SDC2: variants seen among roughly 807,000 people sequenced by gnomAD.
The protein encoded by SDC2 is syndecan-2.
A neutral mutation model predicts 22.2 loss-of-function variants in SDC2; 13 were observed. That is an observed-to-expected ratio of 0.59 (90% CI 0.38 to 0.93). The LOEUF is 0.93. Ranked by LOEUF, SDC2 falls within the 40% of genes least tolerant of loss-of-function variation. The pLI is 0.00. For synonymous variants in SDC2, 94 were observed against 92.8 expected (o/e 1.01, Z -0.07); for missense variants, 235 against 246.8 (o/e 0.95, Z 0.32).
intron 1 of SDC2, among the ~76,000 whole-genome samples, chr8:96,520,156 A>C (rs191587870): frequency 1.3e-5 from 2 of 152,330 alleles, no homozygotes; most frequent in African/African-American, 2.4e-5. Flanking sequence ...ACAACTTTTT[A>C]CTTTTAAAAG....
At chr8:96,563,682 T>C (rs923963309) in intron 1 of SDC2, among the ~76,000 whole-genome samples, 1 of 152,236 alleles carries the variant, frequency 6.6e-6, no homozygotes, top group African/African-American at 2.4e-5. Flanking sequence ...AACAGTTCTC[T>C]AATTCTAATA....
intron 1 of SDC2, among the ~76,000 whole-genome samples, chr8:96,571,869 G>A (rs180880154): frequency 2.6e-5 from 4 of 152,294 alleles, no homozygotes; most frequent in Middle Eastern, 3.4e-3. Context: ...TATCATTAGC[G>A]CCTTTGGATC....
intron 1 of SDC2, among the ~76,000 whole-genome samples, chr8:96,547,130 G>A (rs562738942): frequency 1.3e-5 from 2 of 152,176 alleles, no homozygotes; most frequent in Non-Finnish European, 1.5e-5. Flanking sequence ...AAACCTTTTT[G>A]TGTTGGATTG....
intron 1 of SDC2, among the ~76,000 whole-genome samples, chr8:96,575,430 T>G (rs1279866412): frequency 6.6e-6 from 1 of 152,168 alleles, no homozygotes; most frequent in African/African-American, 2.4e-5. Context: ...GGTTACTCTC[T>G]TTATGTTTGT....
intron 1 of SDC2, among the ~76,000 whole-genome samples, chr8:96,519,436 T>C (rs1813459744): frequency 6.6e-6 from 1 of 152,162 alleles, no homozygotes; most frequent in Middle Eastern, 3.2e-3. Flanking sequence ...AGAATAAGGA[T>C]TAAAGAAGGA....
At chr8:96,594,886 A>T (rs564831375) in intron 2 of SDC2, among the ~76,000 whole-genome samples, 2 of 152,286 alleles carry the variant, frequency 1.3e-5, no homozygotes, top group South Asian at 4.1e-4. Flanking sequence ...AAACCATCAG[A>T]TCTCATGAGA....
At chr8:96,539,660 T>C (rs1473123638) in intron 1 of SDC2, among the ~76,000 whole-genome samples, 1 of 152,264 alleles carries the variant, frequency 6.6e-6, no homozygotes, top group Non-Finnish European at 1.5e-5. Context: ...TCTGATTTTA[T>C]AACCTCTTAT....
At chr8:96,521,669 T>A (rs539031685) in intron 1 of SDC2, among the ~76,000 whole-genome samples, 3 of 152,214 alleles carry the variant, frequency 2.0e-5, no homozygotes, top group Non-Finnish European at 2.9e-5. Context: ...TTATTTCACA[T>A]CTGTGTCGGG....
chr8:96,498,235 T>G (rs943925546), intron 1 of SDC2, among the ~76,000 whole-genome samples: 10 of 152,140 alleles, frequency 6.6e-5, no homozygotes, highest in African/African-American at 1.9e-4. Flanking sequence ...CAGGCAGATA[T>G]CCCCCTGCCT....
intron 1 of SDC2, among the ~76,000 whole-genome samples, chr8:96,566,446 A>G (rs972813882): frequency 2.6e-5 from 4 of 152,188 alleles, no homozygotes; most frequent in Non-Finnish European, 5.9e-5. Flanking sequence ...GATAAAGCAT[A>G]TTGTGCAGGG....
chr8:96,535,631 C>T (rs1043771591), intron 1 of SDC2, among the ~76,000 whole-genome samples: 4 of 152,178 alleles, frequency 2.6e-5, no homozygotes, highest in South Asian at 2.1e-4. Context: ...AGATATATAT[C>T]GACTTCGATT....
intron 1 of SDC2, among the ~76,000 whole-genome samples, chr8:96,518,272 G>GA (rs201146781): frequency 6.1e-5 from 9 of 147,980 alleles, no homozygotes; most frequent in East Asian, 2.0e-4. Context: ...ATGCCTGACA[G>GA]AAAAAAAAAG....
At chr8:96,591,462 G>A (rs1476016717) in intron 1 of SDC2, among the ~76,000 whole-genome samples, 1 of 152,114 alleles carries the variant, frequency 6.6e-6, no homozygotes, top group African/African-American at 2.4e-5. Context: ...AGTAATCTCA[G>A]TCAAATATTT....
At chr8:96,517,600 C>T (rs189364653) in intron 1 of SDC2, among the ~76,000 whole-genome samples, 3 of 152,108 alleles carry the variant, frequency 2.0e-5, no homozygotes, top group South Asian at 2.1e-4. Flanking sequence ...ATTCTTTCCC[C>T]GTTGAATTCT....
chr8:96,575,523 C>T (rs1267847109), intron 1 of SDC2, among the ~76,000 whole-genome samples: 2 of 152,114 alleles, frequency 1.3e-5, no homozygotes, highest in Non-Finnish European at 2.9e-5. Context: ...TCAAGTCATC[C>T]TTTTAATATA....
At chr8:96,508,574 TA>T (rs1205949618) in intron 1 of SDC2, among the ~76,000 whole-genome samples, 1 of 141,022 alleles carries the variant, frequency 7.1e-6, no homozygotes, top group Non-Finnish European at 1.6e-5. Flanking sequence ...TTCAGAAAAA[TA>T]AGTCTGTGAG....
intron 1 of SDC2, among the ~76,000 whole-genome samples, chr8:96,551,504 C>T (rs1174315808): frequency 6.6e-6 from 1 of 152,160 alleles, no homozygotes; most frequent in Non-Finnish European, 1.5e-5. Context: ...CCCTAGTTTA[C>T]AGGCGAAGAA....
At chr8:96,532,412 G>GTTTTTTTTTTTTTTTTTTTTTTTT (rs35452131) in intron 1 of SDC2, among the ~76,000 whole-genome samples, 2 of 47,944 alleles carry the variant, frequency 4.2e-5, no homozygotes, top group African/African-American at 2.1e-4. Context: ...TTATTGAGGC[G>GTTTTTTTTTTTTTTTTTTTTTTTT]TTTTTTTTTT....
rs148116788 is a variant in SDC2, at chr8:96,498,785, T to G, written c.60+4454T>G. Among the ~76,000 whole-genome samples the G allele has an allele frequency of 2.9e-3, 448 of 152,274 alleles. 1 individual carries two copies. The highest frequency in any genetic ancestry group is 0.014 in the Middle Eastern group (4 of 294). On this transcript the variant is annotated intron_variant, in intron 1 of 4. Coordinates refer to ENST00000302190, the MANE Select transcript of SDC2 (RefSeq NM_002998.4). Reference sequence around the variant, plus strand: ...GATTATAGACGTGAGCCACTATGCCTGGCCATTGGTCTCTTCCTGCAGCAC... The same window carrying G: ...GATTATAGACGTGAGCCACTATGCCGGGCCATTGGTCTCTTCCTGCAGCAC...
Sources: allele counts gnomAD v4.1 joint callset (sites outside exome capture counted in the v4.1 genomes callset), GRCh38; gene constraint gnomAD v4.1.1; transcripts MANE v1.5; gene names NCBI Gene and HGNC (gene_info 2026-07-23, HGNC 2026-07-21).